Variants in CDK15 observed in about 807,000 individuals in gnomAD.
CDK15 encodes cyclin dependent kinase 15, also known as cyclin-dependent kinase 15.
A neutral mutation model predicts 60.3 loss-of-function variants in CDK15; 62 were observed. The ratio of observed to expected loss-of-function variants is 1.03; its 90% CI spans 0.84 to 1.27. The LOEUF (loss-of-function observed/expected upper bound fraction) is 1.27. Ranked by LOEUF, CDK15 falls within the 50% of genes most tolerant of loss-of-function variation. The pLI, the probability that CDK15 is intolerant of heterozygous loss-of-function variation, is 0.00. For synonymous variants in CDK15, 194 were observed against 195.7 expected (o/e 0.99, Z 0.07); for missense variants, 541 against 527.8 (o/e 1.03, Z -0.25).
chr2:201,818,714 G>A lies in CDK15; in HGVS notation c.449-4095G>A, dbSNP rs573073357. On this transcript the variant is annotated intron_variant, in intron 4 of 13. Transcript: ENST00000652192. ...GCAACATTCACAGTTTTCATATAAC[G>A]ATTTCAGTAGTTCTAGGGCACCAGA... is the stretch of plus-strand genomic sequence containing the variant. Among the ~76,000 whole-genome samples, 6 of 152,190 alleles carry A rather than the reference G, an allele frequency of 3.9e-5. No individual in the cohort carries two copies. The East Asian group carries it at 9.6e-4, about 24-fold the overall frequency.
intron 10 of CDK15, among the ~76,000 whole-genome samples, chr2:201,871,938 G>A (rs961798079): frequency 6.6e-6 from 1 of 152,022 alleles, no homozygotes; most frequent in African/African-American, 2.4e-5. Flanking sequence ...TTAGGAGGAT[G>A]TGAGTCAAAT....
chr2:201,806,885 T>G, intron 1 of CDK15, 98 bp downstream of exon 1: 2 of 1,318,518 alleles, frequency 1.5e-6, no homozygotes, highest in Non-Finnish European at 2.0e-6. Flanking sequence ...CTGCGGTAGG[T>G]CTAAACCAAT....
At chr2:201,839,743 C>T (rs746953307) in intron 8 of CDK15, among the ~76,000 whole-genome samples, 1 of 152,002 alleles carries the variant, frequency 6.6e-6, no homozygotes. Context: ...GATGGATGAA[C>T]CTGTTTGGAG....
intron 10 of CDK15, among the ~76,000 whole-genome samples, chr2:201,868,368 A>G (rs906643109): frequency 1.3e-5 from 2 of 152,206 alleles, no homozygotes; most frequent in Admixed American, 1.3e-4. Flanking sequence ...TCTTCCGGTC[A>G]CACAGCTGGT....
intron 11 of CDK15, among the ~76,000 whole-genome samples, chr2:201,877,807 C>T (rs1380437648): frequency 6.6e-6 from 1 of 152,174 alleles, no homozygotes; most frequent in African/African-American, 2.4e-5. Context: ...TCTATCTTGC[C>T]TATGAAGCAA....
intron 11 of CDK15, among the ~76,000 whole-genome samples, chr2:201,877,891 T>A (rs1256287951): frequency 6.6e-6 from 1 of 152,226 alleles, no homozygotes; most frequent in Non-Finnish European, 1.5e-5. Flanking sequence ...TAGCTCAAAT[T>A]TTTTAATGCA....
intron 10 of CDK15, among the ~76,000 whole-genome samples, chr2:201,856,914 T>C (rs1698164158): frequency 6.6e-6 from 1 of 152,060 alleles, no homozygotes; most frequent in Non-Finnish European, 1.5e-5. Context: ...CCTGCCAGAT[T>C]GTGTGCTTAA....
intron 10 of CDK15, among the ~76,000 whole-genome samples, chr2:201,864,733 G>T (rs993559690): frequency 6.6e-6 from 1 of 152,190 alleles, no homozygotes; most frequent in African/African-American, 2.4e-5. Flanking sequence ...GAAACAGAAG[G>T]GGGAAGGAAC....
At chr2:201,808,643 A>G (rs562866802) in intron 3 of CDK15, 1 of 152,160 alleles carries the variant, frequency 6.6e-6, no homozygotes, top group Non-Finnish European at 1.5e-5. Flanking sequence ...GAGAAAAGTA[A>G]TGGCTCAATA....
intron 12 of CDK15, chr2:201,888,623 A>G: frequency 5.7e-6 from 8 of 1,411,962 alleles, no homozygotes; most frequent in Non-Finnish European, 7.3e-6. Context: ...TTCTTTTTCT[A>G]TGAGTTGGGA....
chr2:201,870,855 G>A (rs906559892), intron 10 of CDK15, among the ~76,000 whole-genome samples: 121 of 152,304 alleles, frequency 7.9e-4, no homozygotes, highest in African/African-American at 2.8e-3. Context: ...TTGATAAAGA[G>A]CATCCATCAG....
At chr2:201,877,528 G>A (rs748176044) in intron 11 of CDK15, among the ~76,000 whole-genome samples, 6 of 152,136 alleles carry the variant, frequency 3.9e-5, no homozygotes, top group Non-Finnish European at 5.9e-5. Flanking sequence ...CAATAGTGTG[G>A]GTGGACCAGC....
At chr2:201,837,335 A>G (rs1697145614) in intron 8 of CDK15, among the ~76,000 whole-genome samples, 3 of 133,104 alleles carry the variant, frequency 2.3e-5, no homozygotes, top group African/African-American at 8.2e-5. Flanking sequence ...AAGAAAGGAA[A>G]AGAGAAGGAG....
intron 11 of CDK15, among the ~76,000 whole-genome samples, chr2:201,879,233 T>TAAG (rs1215683182): frequency 6.6e-6 from 1 of 152,252 alleles, no homozygotes; most frequent in Non-Finnish European, 1.5e-5. Context: ...TCCTAACTAA[T>TAAG]AAGACTGGGT....
chr2:201,862,953 G>T (rs995889593), intron 10 of CDK15, among the ~76,000 whole-genome samples: 1 of 152,116 alleles, frequency 6.6e-6, no homozygotes, highest in African/African-American at 2.4e-5. Context: ...CATATTTCAG[G>T]AGTGTAATCT....
intron 3 of CDK15, among the ~76,000 whole-genome samples, chr2:201,809,405 C>T (rs902505227): frequency 1.3e-5 from 2 of 152,142 alleles, no homozygotes; most frequent in Non-Finnish European, 2.9e-5. Flanking sequence ...TTCACAATCA[C>T]CCCAGCTCCA....
intron 10 of CDK15, among the ~76,000 whole-genome samples, chr2:201,861,717 A>T (rs1337719007): frequency 6.6e-6 from 1 of 151,794 alleles, no homozygotes; most frequent in Admixed American, 6.6e-5. Context: ...CACGCCACTG[A>T]ACCCAGCTAA....
chr2:201,890,919 T>A lies in CDK15; in HGVS notation c.*25T>A. On this transcript the variant is annotated 3_prime_UTR_variant, in exon 13 of 14. Transcript: ENST00000652192. ...AAAAGAAAGGGCGAGATCACCAAGG[T>A]TCTTCCAGGTAAGTGGTTGCAACAG... is the stretch of plus-strand genomic sequence containing the variant. 1 of 1,562,288 alleles carries A rather than the reference T, an allele frequency of 6.4e-7. No individual in the cohort carries two copies. The highest frequency in any genetic ancestry group is 8.8e-7 in the Non-Finnish European group (1 of 1,135,210).
intron 10 of CDK15, among the ~76,000 whole-genome samples, chr2:201,870,765 A>G (rs1698824594): frequency 6.6e-6 from 1 of 152,148 alleles, no homozygotes; most frequent in South Asian, 2.1e-4. Flanking sequence ...CAGGCCTAAG[A>G]AAAATATAAG....
Sources: allele counts gnomAD v4.1 joint callset (sites outside exome capture counted in the v4.1 genomes callset), GRCh38; gene constraint gnomAD v4.1.1; transcripts MANE v1.5; gene names NCBI Gene and HGNC (gene_info 2026-07-23, HGNC 2026-07-21).